The following SPTB variants were observed in gnomAD, a reference collection of about 807,000 sequenced individuals.
SPTB encodes spectrin beta chain, erythrocytic.
SPTB carries 45 observed loss-of-function variants against 256.2 expected under a neutral mutation model. That is an observed-to-expected ratio of 0.18 (90% CI 0.14 to 0.23). SPTB has a LOEUF of 0.23. SPTB is among the 10% of genes least tolerant of loss of function. The probability of loss-of-function intolerance (pLI) is 1.00; values close to 1 mark genes in which losing one functional copy is unlikely to be tolerated. For synonymous variants in SPTB, 1,231 were observed against 1,243.1 expected, an observed-to-expected ratio of 0.99 and a Z score of 0.21; for missense variants, 2,715 against 3,040.4, an observed-to-expected ratio of 0.89 and a Z score of 2.52.
chr14:64,769,496 G>T (rs1355849626), intron 28 of SPTB, 94 bp downstream of exon 28: 1 of 1,518,346 alleles, frequency 6.6e-7, no homozygotes, highest in Non-Finnish European at 9.0e-7. Context: ...CCTCAGAAAA[G>T]CTGCAGCTCT....
intron 7 of SPTB, 94 bp downstream of exon 7, chr14:64,801,191 G>A (rs1386454078): frequency 1.1e-5 from 12 of 1,100,466 alleles, no homozygotes; most frequent in South Asian, 4.1e-5. Flanking sequence ...CACCTGGGCC[G>A]GCCTCCAGAA....
intron 32 of SPTB, chr14:64,763,747 C>G (rs543448578): frequency 1.2e-5 from 6 of 519,028 alleles, no homozygotes; most frequent in East Asian, 5.4e-5. Flanking sequence ...GCCTGGCCTC[C>G]CATGCACTTA....
At chr14:64,769,242 C>T in intron 28 of SPTB, 124 bp from the exon 29 acceptor site, 1 of 976,340 alleles carries the variant, frequency 1.0e-6, no homozygotes, top group Non-Finnish European at 1.6e-6. Context: ...AAGTCTTGGC[C>T]CAGCTGCTTG....
intron 1 of SPTB, among the ~76,000 whole-genome samples, chr14:64,858,737 G>A (rs1167013590): frequency 1.3e-5 from 2 of 152,168 alleles, no homozygotes; most frequent in Non-Finnish European, 2.9e-5. Context: ...TGACGTCCTG[G>A]GCTACAGGAA....
chr14:64,874,771 T>C (rs1882726999), intron 1 of SPTB, among the ~76,000 whole-genome samples: 1 of 152,262 alleles, frequency 6.6e-6, no homozygotes, highest in Admixed American at 6.5e-5. Flanking sequence ...GAAAATATTT[T>C]CAAAGTATTC....
chr14:64,769,174 G>C lies in SPTB; in HGVS notation c.5938-56C>G, dbSNP rs2082239644. 3 of 1,491,726 alleles carry C rather than the reference G, an allele frequency of 2.0e-6. No individual in the cohort carries two copies. In the African/African-American group the frequency reaches 4.1e-5, roughly 20 times the overall value. 92.4% of individuals were successfully genotyped at this position (1,491,726 alleles called of 1,614,324 possible). Reference sequence around the variant, plus strand: ...CTTGGCTCACCCTTCACCATCTGAGGCAGTGCGCAGATGGGTCCTGCAAAG... The same window carrying C: ...CTTGGCTCACCCTTCACCATCTGAGCCAGTGCGCAGATGGGTCCTGCAAAG... On this transcript the variant is annotated intron_variant, in intron 28 of 35. Coordinates refer to ENST00000644917, the MANE Select transcript of SPTB (RefSeq NM_001355436.2).
intron 33 of SPTB, chr14:64,752,425 G>A (rs1039541420): frequency 1.4e-5 from 6 of 434,966 alleles, no homozygotes; most frequent in African/African-American, 1.3e-4. Context: ...GCCATTTTAC[G>A]AAGCCCCATT....
chr14:64,797,635 GC>G (rs1209906156), intron 10 of SPTB, 93 bp downstream of exon 10: 3 of 1,024,936 alleles, frequency 2.9e-6, no homozygotes, highest in Non-Finnish European at 4.7e-6. Context: ...AAAGAAAGTG[GC>G]TTGGTTTAAT....
At chr14:64,857,509 T>C (rs987568031) in intron 1 of SPTB, among the ~76,000 whole-genome samples, 6 of 138,134 alleles carry the variant, frequency 4.3e-5, no homozygotes, top group Non-Finnish European at 6.0e-5. Flanking sequence ...GCCCATGAAG[T>C]TGAGGCTGCA....
At chr14:64,875,431 A>T (rs1882771569) in intron 1 of SPTB, among the ~76,000 whole-genome samples, 1 of 152,248 alleles carries the variant, frequency 6.6e-6, no homozygotes, top group Non-Finnish European at 1.5e-5. Flanking sequence ...ATATTTACCA[A>T]GGGGAGTTGG....
chr14:64,854,981 G>C (rs1029934085), intron 1 of SPTB, among the ~76,000 whole-genome samples: 2 of 152,194 alleles, frequency 1.3e-5, no homozygotes, highest in Non-Finnish European at 2.9e-5. Flanking sequence ...AGTGGCGCCT[G>C]AATGAGATCA....
Position 64,797,778 on chromosome 14 carries a change from T to C in SPTB, c.1133A>G (p.Gln378Arg). The change falls in exon 10 of 36, where the codon CAG becomes CGG. Residue 378 changes from glutamine to arginine, a missense_variant. Physicochemically the swap from Gln to Arg is conservative, Grantham distance 43. Coordinates refer to ENST00000644917, the MANE Select transcript of SPTB (RefSeq NM_001355436.2). Reference protein sequence around the residue: ...TIQSRMRANNQKVYTPHDGKL... With the variant: ...TIQSRMRANNRKVYTPHDGKL... ...CCCATCGTGGGGTGTGTACACTTTC[T>C]GATTGTTGGCTCTCATCCGGGACTG... 1 of 1,614,218 alleles carries C rather than the reference T, an allele frequency of 6.2e-7. No individual in the cohort carries two copies. Among genetic ancestry groups the C allele is most frequent in the Non-Finnish European group, 8.5e-7 (1 of 1,180,030 alleles).
chr14:64,786,999 C>A lies in SPTB; in HGVS notation c.2966G>T (p.Gly989Val), dbSNP rs550669563. 8 of 1,614,160 alleles carry A rather than the reference C, an allele frequency of 5.0e-6. No individual in the cohort carries two copies. The South Asian group carries it at 8.8e-5, about 18-fold the overall frequency. The change falls in exon 16 of 36, where the codon GGT becomes GTT. Residue 989 changes from glycine to valine, a missense_variant. Transcript: ENST00000644917. The surrounding 1 kb of genome is among the most constrained non-coding windows in gnomAD (Gnocchi z 5.6). ...STKDLGRDLA[G>V]IIAIQRKLSG... ...CAACTTCCTCTGGATGGCGATGATA[C>A]CTGCCAGGTCCCGCCCCAGGTCTTT... is the stretch of plus-strand genomic sequence containing the variant.
At chr14:64,812,890 C>G (rs1236619326) in intron 2 of SPTB, among the ~76,000 whole-genome samples, 1 of 152,158 alleles carries the variant, frequency 6.6e-6, no homozygotes, top group East Asian at 1.9e-4. Context: ...CCTCTCCCTC[C>G]TTTTCTGTTA....
intron 15 of SPTB, among the ~76,000 whole-genome samples, chr14:64,789,726 A>G (rs895150114): frequency 2.0e-5 from 3 of 152,250 alleles, no homozygotes; most frequent in Admixed American, 2.0e-4. Context: ...GTCTAGCAGG[A>G]AAGTCCTTGG....
rs144728244 is a variant in SPTB at position 64,835,389 on chromosome 14, G to A, written c.-51-12244C>T. Among the ~76,000 whole-genome samples, 296 of 152,282 alleles carry A rather than the reference G, an allele frequency of 1.9e-3. 2 individuals carry two copies. Among genetic ancestry groups the A allele is most frequent in the African/African-American group, 6.8e-3 (283 of 41,540 alleles). The stretch of plus-strand genomic sequence containing the variant: ...GCCTCCTGAGTAGCTGGGATTACAG[G>A]CACTCGCCACCTTGTCCGGCTAGTT... On this transcript the variant is annotated intron_variant, in intron 1 of 35. Coordinates refer to ENST00000644917, the MANE Select transcript of SPTB (RefSeq NM_001355436.2).
In SPTB at chr14:64,791,565, CAAA is replaced by C. The variant is rs563905446; in HGVS notation, c.2804+151_2804+153del. On this transcript the variant is annotated intron_variant, in intron 15 of 35. Transcript: ENST00000644917. ...TGGGTAAAAGAGTGAGGTTCTGTGT[CAAA>C]AAAAAAAAAAAAAAAAAAAAAAAGA... is the stretch of plus-strand genomic sequence containing the variant. Among the ~76,000 whole-genome samples, 428 of 45,822 alleles carry C rather than the reference CAAA, an allele frequency of 9.3e-3. 1 individual carries two copies. Among genetic ancestry groups the C allele is most frequent in the African/African-American group, 0.033 (401 of 12,244 alleles). The allele number at this position is 45,822 out of a possible 152,430, so 30.1% of individuals were successfully genotyped here.
intron 2 of SPTB, among the ~76,000 whole-genome samples, chr14:64,813,575 G>A (rs1007458052): frequency 6.6e-6 from 1 of 152,230 alleles, no homozygotes; most frequent in African/African-American, 2.4e-5. Flanking sequence ...AGACCGGAGT[G>A]CAGTGGTGCG....
chr14:64,794,531 G>A lies in SPTB; in HGVS notation c.1731C>T (p.Ile577=), dbSNP rs146212383. Residue 577 remains isoleucine (I), a synonymous_variant, in exon 13 of 36, where the codon ATC becomes ATT. Transcript: ENST00000644917. ...LQKHKLMEAD[I]AIQGDKVKAI... ...CCTTCACTTTGTCCCCTTGGATGGC[G>A]ATGTCAGCTTCCATCAACTTGTGCT... 188 of 1,614,170 alleles carry A rather than the reference G, an allele frequency of 1.2e-4. 1 individual carries two copies. The highest frequency in any genetic ancestry group is 1.6e-4 in the Middle Eastern group (1 of 6,062).
Sources: allele counts gnomAD v4.1 joint callset (sites outside exome capture counted in the v4.1 genomes callset), GRCh38; gene constraint gnomAD v4.1.1; non-coding constraint Gnocchi (gnomAD v3.1); transcripts MANE v1.5; gene names NCBI Gene and HGNC (gene_info 2026-07-23, HGNC 2026-07-21).